Variants in MIAT observed in about 807,000 individuals in gnomAD.
MIAT encodes the protein MI related novel mRNA.
In MIAT at chr22:26,654,739, G is replaced by T. The variant is rs576157691; in HGVS notation, n.646+7428G>T. Among the ~76,000 whole-genome samples the T allele has an allele frequency of 7.9e-5, 12 of 152,138 alleles. No individual in the cohort carries two copies. In the South Asian group the frequency reaches 2.5e-3, roughly 32 times the overall value. ...ATTTTTAAATTTTTTTTGAGACAGAGTCTCACTTTGTTGCCCAGGCTGGAG... is the reference window on the plus strand; with the variant it reads ...ATTTTTAAATTTTTTTTGAGACAGATTCTCACTTTGTTGCCCAGGCTGGAG... On this transcript the variant is annotated intron_variant and non_coding_transcript_variant, in intron 2 of 5. Transcript: ENST00000643270.
downstream of MIAT, chr22:26,673,707 A>G (rs571405103): frequency 2.5e-6 from 1 of 398,248 alleles, no homozygotes; most frequent in African/African-American, 2.1e-5. Flanking sequence ...TGACTAACAC[A>G]GGGAAAAGCA....
exon 4 of MIAT, chr22:26,665,739 C>T: frequency 2.5e-6 from 1 of 398,668 alleles, no homozygotes; most frequent in Middle Eastern, 6.3e-4. Flanking sequence ...GTAGCTCATT[C>T]TCTTTTCTAC....
chr22:26,661,552 G>C (rs1930662800), intron 2 of MIAT, among the ~76,000 whole-genome samples: 1 of 152,260 alleles, frequency 6.6e-6, no homozygotes, highest in East Asian at 1.9e-4. Flanking sequence ...CTGCATCATG[G>C]AGACTCCATG....
downstream of MIAT, chr22:26,672,886 TTCTGACACCG>T: frequency 2.5e-6 from 1 of 398,506 alleles, no homozygotes; most frequent in East Asian, 3.6e-5. Context: ...AGAGGGACAT[TTCTGACACCG>T]GAAGTCAGTG....
At chr22:26,666,552 ACT>A in exon 4 of MIAT, 1 of 398,160 alleles carries the variant, frequency 2.5e-6, no homozygotes, top group Non-Finnish European at 4.4e-6. Context: ...TGGATTCCTG[ACT>A]CTCCGTTCAG....
exon 6 of MIAT, chr22:26,669,141 C>T (rs758035688): frequency 5.0e-6 from 2 of 398,650 alleles, no homozygotes; most frequent in Non-Finnish European, 8.8e-6. Context: ...GCAATTCCAG[C>T]TCCCTCCAGA....
downstream of MIAT, chr22:26,672,214 C>T (rs1165948754): frequency 2.5e-6 from 1 of 399,218 alleles, no homozygotes; most frequent in Non-Finnish European, 4.4e-6. Context: ...CCTGTTTTCT[C>T]TTCTTACTAA....
At chr22:26,656,451 A>G (rs1301454876) in intron 2 of MIAT, among the ~76,000 whole-genome samples, 2 of 149,542 alleles carry the variant, frequency 1.3e-5, no homozygotes, top group African/African-American at 5.0e-5. Context: ...CAGCCTCACG[A>G]GTAGCTGGGA....
intron 2 of MIAT, among the ~76,000 whole-genome samples, chr22:26,648,136 C>T (rs1930270472): frequency 6.6e-6 from 1 of 152,092 alleles, no homozygotes. Context: ...TTTCTCTCAG[C>T]CTCAGCAGAA....
At chr22:26,654,359 A>AT (rs1217554374) in intron 2 of MIAT, among the ~76,000 whole-genome samples, 2 of 152,108 alleles carry the variant, frequency 1.3e-5, no homozygotes, top group Non-Finnish European at 2.9e-5. Context: ...AGGTGGCTTC[A>AT]TTTTTTTCCA....
chr22:26,665,999 C>A (rs933000505), exon 4 of MIAT: 2 of 398,520 alleles, frequency 5.0e-6, no homozygotes, highest in Non-Finnish European at 8.8e-6. Context: ...TATTTATAAA[C>A]CTTGGACAGG....
At chr22:26,648,964 T>C (rs750764819) in intron 2 of MIAT, among the ~76,000 whole-genome samples, 2 of 149,096 alleles carry the variant, frequency 1.3e-5, no homozygotes, top group African/African-American at 2.5e-5. Flanking sequence ...ACTACCAGGC[T>C]GAAGTCAAAT....
chr22:26,672,839 C>T (rs990256093), downstream of MIAT: 4 of 398,446 alleles, frequency 1.0e-5, no homozygotes, highest in Non-Finnish European at 1.8e-5. Flanking sequence ...CACAGGAAGT[C>T]GGCCAGAGAA....
chr22:26,672,686 G>A (rs1001171381), downstream of MIAT: 1 of 399,134 alleles, frequency 2.5e-6, no homozygotes, highest in East Asian at 3.6e-5. Flanking sequence ...CACGAGGAAG[G>A]CAGGAGGGGG....
chr22:26,646,933 A>G (rs1201408593), exon 1 of MIAT: 2 of 398,534 alleles, frequency 5.0e-6, no homozygotes, highest in Non-Finnish European at 8.8e-6. Flanking sequence ...AGAGATGAAG[A>G]CGGCATCATC....
At chr22:26,662,845 C>T (rs1427279679) in intron 2 of MIAT, among the ~76,000 whole-genome samples, 3 of 152,204 alleles carry the variant, frequency 2.0e-5, no homozygotes, top group Non-Finnish European at 4.4e-5. Flanking sequence ...AAGAACAGTA[C>T]ATGCTGTTTA....
At position 26,654,162 on chromosome 22, in the gene MIAT, A is replaced by G. The variant is rs576165376; in HGVS notation, n.646+6851A>G. On this transcript the variant is annotated intron_variant and non_coding_transcript_variant, in intron 2 of 5. Transcript: ENST00000643270. ...CTTGGTTTTGCTAGCTCTTTAAGTA[A>G]ACCTGATTTTCCTCCCATCAGCCCT... is the stretch of plus-strand genomic sequence containing the variant. Among the ~76,000 whole-genome samples, 3 of 152,312 alleles carry G rather than the reference A, an allele frequency of 2.0e-5. No individual in the cohort carries two copies. In the East Asian group the frequency reaches 5.8e-4, roughly 29 times the overall value.
At chr22:26,665,290 A>AG (rs59023721) in intron 3 of MIAT, among the ~76,000 whole-genome samples, 5 of 146,434 alleles carry the variant, frequency 3.4e-5, no homozygotes, top group South Asian at 2.2e-4. Flanking sequence ...AAAGAAAGAA[A>AG]AACAATTAAC....
chr22:26,657,302 C>T, intron 2 of MIAT: 1 of 392,814 alleles, frequency 2.5e-6, no homozygotes, highest in Non-Finnish European at 4.5e-6. Flanking sequence ...CTGCGGAGTG[C>T]TCCCTCCAAG....
Sources: allele counts gnomAD v4.1 joint callset (sites outside exome capture counted in the v4.1 genomes callset), GRCh38; gene constraint gnomAD v4.1.1; transcripts MANE v1.5; gene names NCBI Gene and HGNC (gene_info 2026-07-23, HGNC 2026-07-21).